The following GSE1 variants were observed in gnomAD, a reference collection of about 807,000 sequenced individuals.
The protein encoded by GSE1 is genetic suppressor element 1.
Under a neutral mutation model 112.6 loss-of-function variants are expected in GSE1, and 32 were observed. The observed-to-expected ratio is 0.28, with a 90% CI of 0.21 to 0.38. The LOEUF is 0.38. GSE1 is among the 10% of genes least tolerant of loss of function. GSE1 has a pLI of 1.00. For synonymous variants in GSE1, 1,115 were observed against 735.6 expected (o/e 1.52, Z -8.35); for missense variants, 2,348 against 1,699.2 (o/e 1.38, Z -6.71).
chr16:85,263,134 C>T (rs1034205274), intron 1 of GSE1, among the ~76,000 whole-genome samples: 1 of 152,178 alleles, frequency 6.6e-6, no homozygotes, highest in Non-Finnish European at 1.5e-5. Flanking sequence ...AGGAAGCTCA[C>T]GCTTGGAGAG....
chr16:85,559,737 A>G (rs1011674371), intron 1 of GSE1, among the ~76,000 whole-genome samples: 3 of 152,230 alleles, frequency 2.0e-5, no homozygotes, highest in Non-Finnish European at 2.9e-5. Context: ...GATGGGATCC[A>G]TAATTGTATC....
At position 85,672,321 on chromosome 16, in the gene GSE1, C is replaced by T. The variant is rs1286064692; in HGVS notation, c.3520-84C>T. On this transcript the variant is annotated intron_variant, in intron 15 of 15. Transcript: ENST00000253458. ...GGACATTTTCAAATGTAGGTTTACC[C>T]TTCCATCCAGCATGTTTGTACTCTA... The T allele has an allele frequency of 6.0e-6, 6 of 1,008,348 alleles. No individual in the cohort carries two copies. In the African/African-American group the frequency reaches 9.6e-5, roughly 16 times the overall value. The allele number at this position is 1,008,348 out of a possible 1,614,324, so 62.5% of individuals were successfully genotyped here.
chr16:85,291,569 G>A (rs918880049), intron 1 of GSE1, among the ~76,000 whole-genome samples: 9 of 152,334 alleles, frequency 5.9e-5, no homozygotes, highest in South Asian at 2.1e-4. Context: ...GCTCAGGGCC[G>A]GCTTGTGCGC....
intron 2 of GSE1, among the ~76,000 whole-genome samples, chr16:85,480,941 G>A (rs1225138747): frequency 1.3e-5 from 2 of 152,238 alleles, no homozygotes; most frequent in South Asian, 2.1e-4. Flanking sequence ...GGAGCAGCGC[G>A]TGCAGAACCG....
intron 2 of GSE1, among the ~76,000 whole-genome samples, chr16:85,394,764 A>G (rs1357306116): frequency 6.6e-6 from 1 of 152,042 alleles, no homozygotes. Context: ...ACAGCAGAGC[A>G]AACCTTTCCT....
intron 1 of GSE1, among the ~76,000 whole-genome samples, chr16:85,304,919 AGCACTGAGTGACC>A (rs1380118497): frequency 6.6e-6 from 1 of 152,230 alleles, no homozygotes; most frequent in Non-Finnish European, 1.5e-5. Context: ...AAGATAGCCC[AGCACTGAGTGACC>A]CCTGCTTCCT....
At chr16:85,334,352 G>A (rs1326849334) in intron 1 of GSE1, among the ~76,000 whole-genome samples, 1 of 152,224 alleles carries the variant, frequency 6.6e-6, no homozygotes, top group Non-Finnish European at 1.5e-5. Context: ...TTCTGGAACT[G>A]AGTTTGGACA....
intron 1 of GSE1, among the ~76,000 whole-genome samples, chr16:85,255,728 C>T (rs556967166): frequency 5.3e-5 from 8 of 150,178 alleles, no homozygotes; most frequent in African/African-American, 2.0e-4. Context: ...TTCTTTCTTT[C>T]TTTTTTTTGG....
chr16:85,267,924 C>T (rs903426953), intron 1 of GSE1, among the ~76,000 whole-genome samples: 1 of 152,200 alleles, frequency 6.6e-6, no homozygotes, highest in African/African-American at 2.4e-5. Context: ...CTCTCTGAAC[C>T]TCAGTTTCTT....
intron 1 of GSE1, among the ~76,000 whole-genome samples, chr16:85,225,123 TAAA>T (rs891412921): frequency 1.4e-5 from 2 of 144,386 alleles, no homozygotes; most frequent in Non-Finnish European, 1.5e-5. Flanking sequence ...GATTCCCTCT[TAAA>T]AAAAAAAAAG....
At chr16:85,424,373 G>C (rs2048919620) in intron 2 of GSE1, among the ~76,000 whole-genome samples, 1 of 152,212 alleles carries the variant, frequency 6.6e-6, no homozygotes, top group Non-Finnish European at 1.5e-5. Flanking sequence ...GGGGAGGCTG[G>C]GGGCTTCCTG....
intron 2 of GSE1, among the ~76,000 whole-genome samples, chr16:85,643,578 C>G (rs1177700222): frequency 6.6e-6 from 1 of 152,110 alleles, no homozygotes; most frequent in Non-Finnish European, 1.5e-5. Context: ...TTGGTCATGG[C>G]AAGGGGTCTC....
Position 85,434,336 on chromosome 16 carries a change from A to C in GSE1, c.2464+76693A>C, listed in dbSNP as rs139382438. On this transcript the variant is annotated intron_variant, in intron 2 of 2. Coordinates refer to the GSE1 transcript ENST00000637419. ...TAATAATAATAATAATAATAATAAT[A>C]ATAATAATAATCAGTGCCGTCCGCC... Among the ~76,000 whole-genome samples, 478 of 113,326 alleles carry C rather than the reference A, an allele frequency of 4.2e-3. 3 individuals carry two copies. In the East Asian group the frequency reaches 0.055, roughly 13 times the overall value. 74.3% of individuals were successfully genotyped at this position (113,326 alleles called of 152,430 possible).
chr16:85,556,523 G>A (rs889336832), intron 1 of GSE1, among the ~76,000 whole-genome samples: 2 of 151,318 alleles, frequency 1.3e-5, no homozygotes, highest in Non-Finnish European at 1.5e-5. Context: ...CTCCCGCTGC[G>A]GTCAAGCCCG....
intron 2 of GSE1, among the ~76,000 whole-genome samples, chr16:85,641,905 G>A (rs535534128): frequency 1.3e-5 from 2 of 152,354 alleles, no homozygotes; most frequent in Non-Finnish European, 2.9e-5. Flanking sequence ...CATCCATGTC[G>A]CCACAAGTCC....
At chr16:85,615,675 G>A (rs117785050) in intron 1 of GSE1, among the ~76,000 whole-genome samples, 3 of 152,342 alleles carry the variant, frequency 2.0e-5, no homozygotes, top group Non-Finnish European at 4.4e-5. Flanking sequence ...GCAACAAGGT[G>A]TCCACTGTGG....
At chr16:85,366,541 C>G (rs893849468) in intron 2 of GSE1, among the ~76,000 whole-genome samples, 2 of 152,214 alleles carry the variant, frequency 1.3e-5, no homozygotes, top group Non-Finnish European at 2.9e-5. Flanking sequence ...GAGGCTCTTT[C>G]CTTGTAAGTG....
intron 1 of GSE1, among the ~76,000 whole-genome samples, chr16:85,568,510 A>G (rs1200279325): frequency 2.0e-5 from 3 of 152,362 alleles, no homozygotes; most frequent in East Asian, 1.9e-4. Flanking sequence ...ATGAAACTCC[A>G]TGGTAAATTA....
intron 2 of GSE1, among the ~76,000 whole-genome samples, chr16:85,456,780 C>T (rs531932902): frequency 2.0e-5 from 3 of 152,134 alleles, no homozygotes; most frequent in Non-Finnish European, 2.9e-5. Context: ...GCTGCTGTGG[C>T]GACTCAGGGT....
Sources: allele counts gnomAD v4.1 joint callset (sites outside exome capture counted in the v4.1 genomes callset), GRCh38; gene constraint gnomAD v4.1.1; transcripts MANE v1.5; gene names NCBI Gene and HGNC (gene_info 2026-07-23, HGNC 2026-07-21).